The following IL5RA variants were observed in gnomAD, a reference collection of about 807,000 sequenced individuals.
The protein encoded by IL5RA is interleukin-5 receptor subunit alpha.
Under a neutral mutation model 50.0 loss-of-function variants are expected in IL5RA, and 49 were observed. The observed-to-expected ratio is 0.98, with a 90% confidence interval of 0.78 to 1.24. The LOEUF (loss-of-function observed/expected upper bound fraction) is 1.24, where lower values mean the gene tolerates loss of function less well. Among genes scored for constraint, IL5RA ranks in the 50% most tolerant of loss-of-function variants. IL5RA has a pLI of 0.00. For synonymous variants in IL5RA, 202 were observed against 174.0 expected (o/e 1.16, Z -1.26); for missense variants, 600 against 500.4 (o/e 1.20, Z -1.90).
At chr3:3,094,118 G>A (rs1287650743) in intron 8 of IL5RA, among the ~76,000 whole-genome samples, 1 of 151,960 alleles carries the variant, frequency 6.6e-6, no homozygotes, top group African/African-American at 2.4e-5. Flanking sequence ...TTTTTTAATT[G>A]TAAAATACAT....
intron 10 of IL5RA, among the ~76,000 whole-genome samples, chr3:3,075,913 T>C (rs938446938): frequency 2.6e-5 from 4 of 152,162 alleles, no homozygotes; most frequent in African/African-American, 4.8e-5. Context: ...ATAAAACTCA[T>C]TTTCTAAATT....
At chr3:3,097,111 T>C (rs1703401447) in intron 7 of IL5RA, among the ~76,000 whole-genome samples, 1 of 152,212 alleles carries the variant, frequency 6.6e-6, no homozygotes, top group South Asian at 2.1e-4. Context: ...GAATGCCATG[T>C]GAGAGCGCCT....
At chr3:3,099,454 C>A (rs773128855) in intron 5 of IL5RA, among the ~76,000 whole-genome samples, 2 of 152,002 alleles carry the variant, frequency 1.3e-5, no homozygotes, top group African/African-American at 4.8e-5. Context: ...CATGGCAAAA[C>A]CCCAACTCTA....
At chr3:3,093,001 C>G (rs893115379) in intron 8 of IL5RA, among the ~76,000 whole-genome samples, 1 of 152,118 alleles carries the variant, frequency 6.6e-6, no homozygotes, top group Non-Finnish European at 1.5e-5. Flanking sequence ...TCGCCCCTCC[C>G]CACTCACATC....
chr3:3,107,610 G>A (rs949425282), intron 2 of IL5RA, among the ~76,000 whole-genome samples: 3 of 147,572 alleles, frequency 2.0e-5, no homozygotes, highest in Admixed American at 1.4e-4. Flanking sequence ...AAACTAAGCA[G>A]AATGAAGCAA....
intron 5 of IL5RA, among the ~76,000 whole-genome samples, chr3:3,099,541 A>T (rs9826452): frequency 0.067 from 10,154 of 152,010 alleles, 775 homozygotes; most frequent in South Asian, 0.29. Context: ...AGGTGGGAGG[A>T]TCACTTGAGC....
In IL5RA at chr3:3,074,921, A is replaced by G. The variant is rs913867286; in HGVS notation, c.1092-55T>C. ...GAGCATGAGTATACCTTTTGTCTCTAAATATCTACTCTAAAAATTGACCTG... is the reference window on the plus strand; with the variant it reads ...GAGCATGAGTATACCTTTTGTCTCTGAATATCTACTCTAAAAATTGACCTG... On this transcript the variant is annotated intron_variant, in intron 10 of 11. Coordinates refer to ENST00000446632, the MANE Select transcript of IL5RA (RefSeq NM_175726.4). The G allele has an allele frequency of 1.9e-6, 2 of 1,051,216 alleles. 1 individual carries two copies. Among genetic ancestry groups the G allele is most frequent in the South Asian group, 2.7e-5 (2 of 75,296 alleles). 65.1% of individuals were successfully genotyped at this position (1,051,216 alleles called of 1,614,324 possible). A position where few individuals can be genotyped will look rare whatever the true frequency, so the allele number is the denominator to read the frequency against.
chr3:3,104,225 G>C (rs1194057662), intron 3 of IL5RA, among the ~76,000 whole-genome samples: 3 of 152,160 alleles, frequency 2.0e-5, no homozygotes, highest in Non-Finnish European at 4.4e-5. Context: ...TTTTAGTAGA[G>C]TTGGGGTTTC....
At chr3:3,105,983 C>A (rs546664545) in intron 2 of IL5RA, among the ~76,000 whole-genome samples, 104 of 152,278 alleles carry the variant, frequency 6.8e-4, no homozygotes, top group African/African-American at 2.3e-3. Flanking sequence ...TCTTCCTACT[C>A]TCTTACCACG....
chr3:3,066,512 G>C lies in IL5RA; in HGVS notation c.*3713C>G, dbSNP rs894766150. ...GGATGTAGAAGCAGGAATAGCTACA[G>C]TCCTTAGGCTAGCACCAAGTCCTAT... On this transcript the variant is annotated 3_prime_UTR_variant, in exon 12 of 12. Coordinates refer to ENST00000446632, the MANE Select transcript of IL5RA (RefSeq NM_175726.4). 6.6e-6 allele frequency: 1 copy of C among 152,230 alleles called. No homozygotes were observed. Among genetic ancestry groups the C allele is most frequent in the Admixed American group, 6.5e-5 (1 of 15,288 alleles). 9.4% of individuals were successfully genotyped at this position (152,230 alleles called of 1,614,324 possible).
chr3:3,104,941 G>T lies in IL5RA; in HGVS notation c.44C>A (p.Thr15Asn), dbSNP rs1424422320. The T allele has an allele frequency of 1.2e-6, 2 of 1,613,156 alleles. No homozygotes were observed. Among genetic ancestry groups the T allele is most frequent in the East Asian group, 2.2e-5 (1 of 44,844 alleles). Residue 15 changes from threonine (T) to asparagine (N), a missense_variant, in exon 3 of 12, where the codon ACT becomes AAT. Coordinates refer to ENST00000446632, the MANE Select transcript of IL5RA (RefSeq NM_175726.4). ...AAGTAAGTCAGCTTGCAGTATCTCA[G>T]TGGCCCCCAAAAGGATGAGTAATAC... ...AHVLLILLGA[T>N]EILQADLLPD...
intron 9 of IL5RA, among the ~76,000 whole-genome samples, chr3:3,091,582 A>G (rs1239389034): frequency 6.6e-6 from 1 of 152,160 alleles, no homozygotes; most frequent in East Asian, 1.9e-4. Context: ...AAATACAAAA[A>G]TTAGCCAGGC....
chr3:3,066,737 T>G lies in IL5RA; in HGVS notation c.*3488A>C, dbSNP rs1271159064. ...TCAGGATGTTCTTTGCCCACGTGGA[T>G]TCTTCCCCAGCCTGCATGAATAGCT... On this transcript the variant is annotated 3_prime_UTR_variant, in exon 12 of 12. Coordinates refer to ENST00000446632, the MANE Select transcript of IL5RA (RefSeq NM_175726.4). 1 of 152,214 alleles carries G rather than the reference T, an allele frequency of 6.6e-6. No individual in the cohort carries two copies. Among genetic ancestry groups the G allele is most frequent in the Admixed American group, 6.5e-5 (1 of 15,268 alleles). 9.4% of individuals were successfully genotyped at this position (152,214 alleles called of 1,614,324 possible). A position where few individuals can be genotyped will look rare whatever the true frequency, so the allele number is the denominator to read the frequency against.
At chr3:3,090,190 G>C in intron 9 of IL5RA, 5 of 1,609,468 alleles carry the variant, frequency 3.1e-6, no homozygotes, top group Non-Finnish European at 4.3e-6. Flanking sequence ...TATCCCTGCT[G>C]TTGTTTTTAT....
chr3:3,091,107 G>A (rs112521165), intron 9 of IL5RA, among the ~76,000 whole-genome samples: 10 of 152,250 alleles, frequency 6.6e-5, no homozygotes, highest in East Asian at 5.8e-4. Context: ...CAGGAGTCCC[G>A]GTGATGCATG....
intron 2 of IL5RA, among the ~76,000 whole-genome samples, chr3:3,106,574 A>T (rs1484862071): frequency 6.6e-6 from 1 of 152,208 alleles, no homozygotes; most frequent in East Asian, 1.9e-4. Context: ...AAATGAAACG[A>T]TGACGATGAC....
intron 9 of IL5RA, among the ~76,000 whole-genome samples, chr3:3,079,785 C>G (rs569985299): frequency 2.7e-4 from 41 of 152,278 alleles, no homozygotes; most frequent in African/African-American, 8.7e-4. Context: ...CCTGTAATCC[C>G]AGCACTTTGG....
chr3:3,070,816 T>G (rs1230622871), intron 11 of IL5RA, among the ~76,000 whole-genome samples: 4 of 151,762 alleles, frequency 2.6e-5, no homozygotes, highest in Non-Finnish European at 4.4e-5. Flanking sequence ...CTCTTGACCT[T>G]GTGATCCCCC....
chr3:3,084,053 TAAAA>T (rs11399967), intron 9 of IL5RA, among the ~76,000 whole-genome samples: 3 of 99,460 alleles, frequency 3.0e-5, no homozygotes, highest in African/African-American at 7.8e-5. Context: ...CTCCATCTCA[TAAAA>T]AAAAAAAAAA....
Sources: allele counts gnomAD v4.1 joint callset (sites outside exome capture counted in the v4.1 genomes callset), GRCh38; gene constraint gnomAD v4.1.1; transcripts MANE v1.5; gene names NCBI Gene and HGNC (gene_info 2026-07-23, HGNC 2026-07-21).